Variants in NCKAP5 observed in about 807,000 individuals in gnomAD.
NCKAP5 encodes the protein nck-associated protein 5.
NCKAP5 carries 92 observed loss-of-function variants against 167.0 expected under a neutral mutation model. The observed-to-expected ratio is 0.55, with a 90% CI of 0.47 to 0.66. NCKAP5 has a LOEUF of 0.66. NCKAP5 is among the 30% of genes least tolerant of loss of function. The pLI, the probability that NCKAP5 is intolerant of heterozygous loss-of-function variation, is 0.00. For synonymous variants in NCKAP5, 891 were observed against 877.4 expected (o/e 1.02, Z -0.27); for missense variants, 2,378 against 2,315.0 (o/e 1.03, Z -0.56).
intron 4 of NCKAP5, among the ~76,000 whole-genome samples, chr2:133,225,780 T>TTTTC (rs2086857896): frequency 1.5e-5 from 1 of 68,478 alleles, no homozygotes; most frequent in East Asian, 3.5e-4. Context: ...TGCCCTGTTC[T>TTTTC]TTTTTTTTTT....
chr2:133,079,838 T>C (rs541978261), intron 6 of NCKAP5, among the ~76,000 whole-genome samples: 33 of 152,282 alleles, frequency 2.2e-4, no homozygotes, highest in African/African-American at 7.5e-4. Flanking sequence ...TCAAAATTCT[T>C]TTACAGTGTA....
intron 3 of NCKAP5, among the ~76,000 whole-genome samples, chr2:133,486,419 G>A (rs1239698197): frequency 1.3e-5 from 2 of 152,190 alleles, no homozygotes; most frequent in Non-Finnish European, 2.9e-5. Context: ...CCTTTGGGAT[G>A]AAATCTCAAA....
intron 6 of NCKAP5, among the ~76,000 whole-genome samples, chr2:133,094,703 A>C (rs763946377): frequency 6.6e-5 from 10 of 152,306 alleles, no homozygotes; most frequent in Non-Finnish European, 1.5e-4. Context: ...TAAGGTTACT[A>C]ATAAGTTGAC....
intron 6 of NCKAP5, among the ~76,000 whole-genome samples, chr2:133,050,775 CTATT>C (rs1435547121): frequency 2.6e-5 from 4 of 152,140 alleles, no homozygotes; most frequent in Non-Finnish European, 5.9e-5. Context: ...TGTTGACTAA[CTATT>C]TGAGTGATGA....
At chr2:133,107,413 A>G (rs1262599336) in intron 6 of NCKAP5, among the ~76,000 whole-genome samples, 1 of 152,262 alleles carries the variant, frequency 6.6e-6, no homozygotes, top group Non-Finnish European at 1.5e-5. Context: ...ATTCGAGCTC[A>G]AAAGCAGCAG....
chr2:132,994,114 A>T, intron 7 of NCKAP5, 38 bp downstream of exon 7: 2 of 1,387,968 alleles, frequency 1.4e-6, no homozygotes, highest in East Asian at 4.9e-5. Context: ...AAAAACAAGC[A>T]GACCAGTACC....
chr2:133,479,083 G>A (rs1318566732), intron 3 of NCKAP5, among the ~76,000 whole-genome samples: 1 of 152,172 alleles, frequency 6.6e-6, no homozygotes, highest in Non-Finnish European at 1.5e-5. Flanking sequence ...TGTGTCACAA[G>A]GGTTTGCAAC....
At chr2:133,347,052 A>C (rs1684025655) in intron 3 of NCKAP5, among the ~76,000 whole-genome samples, 2 of 152,230 alleles carry the variant, frequency 1.3e-5, no homozygotes, top group Non-Finnish European at 2.9e-5. Context: ...AATATAAAAC[A>C]ACCTTACTCC....
At chr2:133,498,472 AAGGAAGGAAGGCAGGCAGGCAGGC>A (rs1361773462) in intron 3 of NCKAP5, among the ~76,000 whole-genome samples, 2 of 122,714 alleles carry the variant, frequency 1.6e-5, no homozygotes, top group African/African-American at 7.6e-5. Context: ...GGAAGGAAGG[AAGGAAGGAAGGCAGGCAGGCAGGC>A]AGGCAGGCAG....
At chr2:133,601,901 G>A in the NCKAP5 span, among the ~76,000 whole-genome samples, 1 of 152,112 alleles carries the variant, frequency 6.6e-6, no homozygotes, top group Non-Finnish European at 1.5e-5. Flanking sequence ...TGGAAAGCAA[G>A]GTTAGGCAGA....
chr2:133,215,408 C>G (rs539575411), intron 4 of NCKAP5, among the ~76,000 whole-genome samples: 1 of 152,128 alleles, frequency 6.6e-6, no homozygotes. Flanking sequence ...CTGGCAAATA[C>G]TTATAAAGTC....
At chr2:132,978,627 C>A (rs577914977) in intron 7 of NCKAP5, among the ~76,000 whole-genome samples, 2 of 152,158 alleles carry the variant, frequency 1.3e-5, no homozygotes, top group Admixed American at 1.3e-4. Context: ...GTGACTGACC[C>A]GCCTGTGTCA....
In NCKAP5 at chr2:133,540,933, C is replaced by CAAA. The variant is rs10666328; in HGVS notation, c.-62+18114_-62+18116dup. 5.6e-4 allele frequency among the ~76,000 whole-genome samples: 56 copies of CAAA among 99,978 alleles called. 1 individual carries two copies. The highest frequency in any genetic ancestry group is 6.3e-3 in the Middle Eastern group (1 of 158). 65.6% of individuals were successfully genotyped at this position (99,978 alleles called of 152,430 possible). On this transcript the variant is annotated intron_variant, in intron 2 of 19. Transcript: ENST00000409261. ...TGGGTGACAGCACAAGACTCTGTCT[C>CAAA]AAAAAAAAAAAAAAAAAAGAAAGAA...
chr2:133,603,228 C>CT, the NCKAP5 span, among the ~76,000 whole-genome samples: 116 of 137,878 alleles, frequency 8.4e-4, no homozygotes, highest in Admixed American at 2.3e-3. Context: ...CTTTTTCTTT[C>CT]TTTTTTTTTT....
chr2:132,718,671 C>A (rs972491095), intron 19 of NCKAP5, among the ~76,000 whole-genome samples: 14 of 152,176 alleles, frequency 9.2e-5, no homozygotes, highest in Admixed American at 3.3e-4. Flanking sequence ...TTTCTCCCTG[C>A]AGGTAGCCAT....
At chr2:133,047,258 C>A (rs2149474405) in intron 6 of NCKAP5, among the ~76,000 whole-genome samples, 1 of 152,310 alleles carries the variant, frequency 6.6e-6, no homozygotes, top group Admixed American at 6.5e-5. Flanking sequence ...GTGTTAGACA[C>A]TTTTCAGAAA....
At chr2:132,715,169 C>G (rs993143170) in intron 19 of NCKAP5, among the ~76,000 whole-genome samples, 1 of 152,194 alleles carries the variant, frequency 6.6e-6, no homozygotes, top group Non-Finnish European at 1.5e-5. Context: ...TCCCCCGATA[C>G]CTGAAAAGAC....
chr2:132,825,779 C>T (rs972282971), intron 11 of NCKAP5, among the ~76,000 whole-genome samples: 1 of 152,236 alleles, frequency 6.6e-6, no homozygotes, highest in Admixed American at 6.5e-5. Context: ...GTTGTTTCCA[C>T]AGCAGATGGT....
chr2:132,974,061 C>T (rs778052698), intron 7 of NCKAP5, among the ~76,000 whole-genome samples: 2 of 152,294 alleles, frequency 1.3e-5, no homozygotes, highest in Admixed American at 6.5e-5. Context: ...AACAGCTACC[C>T]TCTGTTTCCA....
Sources: allele counts gnomAD v4.1 joint callset (sites outside exome capture counted in the v4.1 genomes callset), GRCh38; gene constraint gnomAD v4.1.1; transcripts MANE v1.5; gene names NCBI Gene and HGNC (gene_info 2026-07-23, HGNC 2026-07-21).